The following KLHL29 variants were observed in gnomAD, a reference collection of about 807,000 sequenced individuals.
KLHL29 encodes the protein kelch like family member 29, also known as kelch-like protein 29.
KLHL29 carries 21 observed loss-of-function variants against 80.4 expected under a neutral mutation model. That is an observed-to-expected ratio of 0.26 (90% CI 0.19 to 0.38). The LOEUF is 0.38. Among genes scored for constraint, KLHL29 ranks in the 10% least tolerant of loss-of-function variants. The probability of loss-of-function intolerance (pLI) is 1.00; values close to 1 mark genes in which losing one functional copy is unlikely to be tolerated. For synonymous variants in KLHL29, 511 were observed against 526.8 expected (o/e 0.97, Z 0.41); for missense variants, 867 against 1,223.9 (o/e 0.71, Z 4.35).
intron 3 of KLHL29, among the ~76,000 whole-genome samples, chr2:23,567,468 A>G (rs1047940209): frequency 6.6e-6 from 1 of 152,220 alleles, no homozygotes; most frequent in African/African-American, 2.4e-5. Context: ...TTCATCGTCA[A>G]CACTCAAAAC....
At chr2:23,535,057 C>A (rs1377316124) in intron 2 of KLHL29, among the ~76,000 whole-genome samples, 1 of 152,208 alleles carries the variant, frequency 6.6e-6, no homozygotes, top group Non-Finnish European at 1.5e-5. Context: ...AGACTGTGCA[C>A]TTAAGATTTG....
At chr2:23,571,532 C>G (rs989499714) in intron 3 of KLHL29, among the ~76,000 whole-genome samples, 2 of 152,192 alleles carry the variant, frequency 1.3e-5, no homozygotes, top group Non-Finnish European at 2.9e-5. Flanking sequence ...GATCGTGCTC[C>G]CCTCCCAGTC....
intron 3 of KLHL29, among the ~76,000 whole-genome samples, chr2:23,581,101 A>G (rs890967389): frequency 1.3e-5 from 2 of 151,950 alleles, no homozygotes; most frequent in South Asian, 2.1e-4. Context: ...TTTTTTTTTT[A>G]AAGAAATAGA....
rs1249505066 is a variant in KLHL29 at position 23,644,467 on chromosome 2, T to TA, written c.940+1617_940+1618insA. ...TGGCTTGCCACGTTCCAGGCACGCA[T>TA]CTAGGAAAAGGAGCTGTTTTGTGCA... On this transcript the variant is annotated intron_variant, in intron 5 of 13. Transcript: ENST00000486442. 3.3e-5 allele frequency among the ~76,000 whole-genome samples: 5 copies of TA among 152,166 alleles called. No individual in the cohort carries two copies. The East Asian group carries it at 7.7e-4, about 23-fold the overall frequency.
At position 23,594,422 on chromosome 2, in the gene KLHL29, C is replaced by T. The variant is rs1431574471; in HGVS notation, c.285+31941C>T. ...GACATTTCGTTCCTCCTGGATTGTT[C>T]TAATCCCAGACACTCAGGAGCTCAC... On this transcript the variant is annotated intron_variant, in intron 3 of 13. Coordinates refer to ENST00000486442, the MANE Select transcript of KLHL29 (RefSeq NM_052920.2). 2.0e-5 allele frequency among the ~76,000 whole-genome samples: 3 copies of T among 152,072 alleles called. 1 individual carries two copies. The highest frequency in any genetic ancestry group is 4.8e-5 in the African/African-American group (2 of 41,400).
At chr2:23,489,462 T>C (rs1484626018) in intron 2 of KLHL29, among the ~76,000 whole-genome samples, 1 of 152,016 alleles carries the variant, frequency 6.6e-6, no homozygotes, top group African/African-American at 2.4e-5. Flanking sequence ...CCTTGTTTTG[T>C]TTTGAGTGGA....
At chr2:23,698,220 TGAA>T (rs922186964) in intron 11 of KLHL29, among the ~76,000 whole-genome samples, 15 of 152,110 alleles carry the variant, frequency 9.9e-5, no homozygotes, top group Non-Finnish European at 1.9e-4. Flanking sequence ...CCCCAAGAGA[TGAA>T]GGACAAAAGG....
At chr2:23,414,733 G>A (rs566076202) in intron 1 of KLHL29, among the ~76,000 whole-genome samples, 14 of 152,316 alleles carry the variant, frequency 9.2e-5, no homozygotes, top group African/African-American at 2.9e-4. Context: ...CCAAATGCCC[G>A]TCTACAGATC....
chr2:23,428,032 G>T (rs1465032043), intron 1 of KLHL29, among the ~76,000 whole-genome samples: 3 of 152,192 alleles, frequency 2.0e-5, no homozygotes, highest in African/African-American at 7.2e-5. Flanking sequence ...ATCAGCATGC[G>T]TGAAAACTCA....
At chr2:23,400,543 A>T (rs763477630) in intron 1 of KLHL29, among the ~76,000 whole-genome samples, 2 of 152,130 alleles carry the variant, frequency 1.3e-5, no homozygotes, top group East Asian at 3.9e-4. Context: ...ATGCAGAGCC[A>T]TGCAGCTGGG....
chr2:23,472,048 C>T (rs1664507344), intron 1 of KLHL29, among the ~76,000 whole-genome samples: 1 of 150,054 alleles, frequency 6.7e-6, no homozygotes, highest in Non-Finnish European at 1.5e-5. Flanking sequence ...ATCGTTTATA[C>T]ACCGCTACAT....
intron 1 of KLHL29, among the ~76,000 whole-genome samples, chr2:23,408,082 T>G (rs1666775076): frequency 6.6e-6 from 1 of 151,892 alleles, no homozygotes; most frequent in Non-Finnish European, 1.5e-5. Context: ...CCAGGCTGTT[T>G]ATTCTGTTTC....
chr2:23,642,901 TG>T (rs1206177769), intron 5 of KLHL29, 51 bp downstream of exon 5: 92 of 1,545,602 alleles, frequency 6.0e-5, no homozygotes, highest in Non-Finnish European at 7.7e-5. Flanking sequence ...TGCACCTCCC[TG>T]CGCGGTCACT....
At position 23,534,993 on chromosome 2, in the gene KLHL29, G is replaced by A. The variant is rs1025592642; in HGVS notation, c.-45-27159G>A. Among the ~76,000 whole-genome samples, 23 of 152,220 alleles carry A rather than the reference G, an allele frequency of 1.5e-4. 1 individual carries two copies. The highest frequency in any genetic ancestry group is 5.9e-4 in the Admixed American group (9 of 15,290). On this transcript the variant is annotated intron_variant, in intron 2 of 13. Coordinates refer to ENST00000486442, the MANE Select transcript of KLHL29 (RefSeq NM_052920.2). Reference sequence around the variant, plus strand: ...CTTTCTGGGCTGATGGAAATGGTCTGTATCATGATTGGGGTGGTGGTTAGG... The same window carrying A: ...CTTTCTGGGCTGATGGAAATGGTCTATATCATGATTGGGGTGGTGGTTAGG...
intron 1 of KLHL29, among the ~76,000 whole-genome samples, chr2:23,405,697 C>G (rs1487870778): frequency 2.0e-5 from 3 of 152,162 alleles, no homozygotes; most frequent in Admixed American, 2.0e-4. Context: ...GGTTTGCTCC[C>G]CATCCTAGGG....
At chr2:23,539,457 T>C (rs1459023053) in intron 2 of KLHL29, among the ~76,000 whole-genome samples, 2 of 119,984 alleles carry the variant, frequency 1.7e-5, no homozygotes, top group Admixed American at 9.7e-5. Context: ...TTTTTTTTTT[T>C]TGGAGACAGG....
chr2:23,617,782 G>C (rs2149141493), intron 3 of KLHL29: 1 of 152,358 alleles, frequency 6.6e-6, no homozygotes, highest in Admixed American at 6.5e-5. Flanking sequence ...TGCTTCTTCA[G>C]AGAGTATTAA....
chr2:23,643,182 T>G lies in KLHL29; in HGVS notation c.940+332T>G, dbSNP rs1464430882. The G allele has an allele frequency of 6.2e-6, 3 of 483,326 alleles. No homozygotes were observed. The East Asian group carries it at 1.2e-4, about 20-fold the overall frequency. The allele number at this position is 483,326 out of a possible 1,614,324, so 29.9% of individuals were successfully genotyped here. On this transcript the variant is annotated intron_variant, in intron 5 of 13. Coordinates refer to ENST00000486442, the MANE Select transcript of KLHL29 (RefSeq NM_052920.2). ...TCCAACCCCCAAGGCCAGGCCAAGCTGCAAAAGGGTGAGAGTCATCCACTC... is the reference window on the plus strand; with the variant it reads ...TCCAACCCCCAAGGCCAGGCCAAGCGGCAAAAGGGTGAGAGTCATCCACTC...
At chr2:23,547,852 C>G (rs1244465872) in intron 2 of KLHL29, among the ~76,000 whole-genome samples, 2 of 152,008 alleles carry the variant, frequency 1.3e-5, no homozygotes, top group Non-Finnish European at 2.9e-5. Context: ...CTGGATGAGG[C>G]CAGGAGCAGC....
Sources: allele counts gnomAD v4.1 joint callset (sites outside exome capture counted in the v4.1 genomes callset), GRCh38; gene constraint gnomAD v4.1.1; transcripts MANE v1.5; gene names NCBI Gene and HGNC (gene_info 2026-07-23, HGNC 2026-07-21).